Variants in RASEF observed in about 807,000 individuals in gnomAD.
RASEF encodes ras and EF-hand domain-containing protein.
In RASEF, 68 loss-of-function variants were observed where a neutral mutation model predicts 90.1. That is an observed-to-expected ratio of 0.75 (90% CI 0.62 to 0.92). The LOEUF (loss-of-function observed/expected upper bound fraction) is 0.92, where lower values mean the gene tolerates loss of function less well. Among genes scored for constraint, RASEF ranks in the 40% least tolerant of loss-of-function variants. RASEF has a pLI of 0.00. For synonymous variants in RASEF, 331 were observed against 345.2 expected, an observed-to-expected ratio of 0.96 and a Z score of 0.46; for missense variants, 949 against 937.2, an observed-to-expected ratio of 1.01 and a Z score of -0.16.
chr9:83,062,567 C>G lies in RASEF; in HGVS notation c.301G>C (p.Asp101His). The G allele has an allele frequency of 6.3e-7, 1 of 1,590,446 alleles. No homozygotes were observed. Among genetic ancestry groups the G allele is most frequent in the Non-Finnish European group, 8.6e-7 (1 of 1,167,966 alleles). The change falls in exon 1 of 17, where the codon GAC (aspartate) becomes CAC (histidine). Residue 101 changes from aspartate to histidine, a missense_variant. Coordinates refer to ENST00000376447, the MANE Select transcript of RASEF (RefSeq NM_152573.4). ...TCGTCGCCTTCGTCCTCCTCGCTGTCGTGTGTCTCCGGCCCCGCCTCAGAC... is the reference window on the plus strand; with the variant it reads ...TCGTCGCCTTCGTCCTCCTCGCTGTGGTGTGTCTCCGGCCCCGCCTCAGAC... ...AVSEAGPETHDSEEDEGDEDA... is the reference protein window; with the variant it reads ...AVSEAGPETHHSEEDEGDEDA...
rs1564090895 is a variant in RASEF at position 83,056,129 on chromosome 9, C to A, written c.431+6308G>T. On this transcript the variant is annotated intron_variant, in intron 1 of 16. Transcript: ENST00000376447. ...TTTTTATAAGACATATAGACTAAGGCCTTAAGGGTTAAAATTCACTCTTCT... is the reference window on the plus strand; with the variant it reads ...TTTTTATAAGACATATAGACTAAGGACTTAAGGGTTAAAATTCACTCTTCT... 2.6e-5 allele frequency among the ~76,000 whole-genome samples: 4 copies of A among 152,256 alleles called. No homozygotes were observed. The South Asian group carries it at 6.2e-4, about 24-fold the overall frequency.
chr9:83,092,109 A>AT, the RASEF span, among the ~76,000 whole-genome samples: 2 of 134,264 alleles, frequency 1.5e-5, no homozygotes, highest in Admixed American at 8.5e-5. Context: ...GATTCTGGCT[A>AT]TTTTTTCCAG....
the RASEF span, among the ~76,000 whole-genome samples, chr9:83,199,565 T>G: frequency 3.3e-4 from 51 of 152,324 alleles, no homozygotes; most frequent in African/African-American, 1.1e-3. Flanking sequence ...AATGCACTTC[T>G]AAATCCTCTT....
chr9:83,199,224 T>TAAAAAAAAAAAAAAAAAAAAAAAAAAAA, the RASEF span, among the ~76,000 whole-genome samples: 1 of 118,662 alleles, frequency 8.4e-6, no homozygotes, highest in Non-Finnish European at 1.7e-5. Context: ...AGCCCTAATT[T>TAAAAAAAAAAAAAAAAAAAAAAAAAAAA]AAAAAAAAAA....
Position 83,058,268 on chromosome 9 carries a change from C to T in RASEF, c.431+4169G>A, listed in dbSNP as rs1203265901. Reference sequence around the variant, plus strand: ...CGCGATCTCGGCTCACTGCAAGCTCCGCCTCCCGGGTTCACACCATTCTCC... The same window carrying T: ...CGCGATCTCGGCTCACTGCAAGCTCTGCCTCCCGGGTTCACACCATTCTCC... On this transcript the variant is annotated intron_variant, in intron 1 of 16. Coordinates refer to ENST00000376447, the MANE Select transcript of RASEF (RefSeq NM_152573.4). Among the ~76,000 whole-genome samples, 8 of 144,224 alleles carry T rather than the reference C, an allele frequency of 5.5e-5. No individual in the cohort carries two copies. The South Asian group carries it at 1.7e-3, about 31-fold the overall frequency. The allele number at this position is 144,224 out of a possible 152,430, so 94.6% of individuals were successfully genotyped here.
chr9:82,982,584 C>G lies in RASEF; in HGVS notation c.*93G>C. The G allele has an allele frequency of 1.3e-6, 1 of 763,954 alleles. No homozygotes were observed. 47.3% of individuals were successfully genotyped at this position (763,954 alleles called of 1,614,324 possible). A position where few individuals can be genotyped will look rare whatever the true frequency, so the allele number is the denominator to read the frequency against. ...ACTGTAACTCTCCATAGGACAGTGT[C>G]AGTAGGATGTGCCACTCTGTTAAGA... On this transcript the variant is annotated 3_prime_UTR_variant, in exon 17 of 17. Transcript: ENST00000376447.
At chr9:83,200,795 G>A in the RASEF span, 1 of 152,186 alleles carries the variant, frequency 6.6e-6, no homozygotes, top group African/African-American at 2.4e-5. Context: ...AGCCTATGTT[G>A]TGGTTCCCTG....
chr9:83,147,600 G>A, the RASEF span, among the ~76,000 whole-genome samples: 6 of 152,046 alleles, frequency 3.9e-5, no homozygotes, highest in South Asian at 2.1e-4. Flanking sequence ...TCTAGGGGTG[G>A]GTGCCTGCGA....
Position 83,043,042 on chromosome 9 carries a change from C to T in RASEF, c.432-17121G>A, listed in dbSNP as rs957696031. 6.6e-5 allele frequency among the ~76,000 whole-genome samples: 10 copies of T among 152,268 alleles called. 1 individual carries two copies. In the South Asian group the frequency reaches 8.3e-4, roughly 13 times the overall value. ...TAAAGCTAGACTTCATATGATGACC[C>T]TGAGTTAGCACGGAAAGCTTCAGTG... is the stretch of plus-strand genomic sequence containing the variant. On this transcript the variant is annotated intron_variant, in intron 1 of 16. Transcript: ENST00000376447.
the RASEF span, among the ~76,000 whole-genome samples, chr9:83,179,988 A>G: frequency 6.6e-6 from 1 of 152,208 alleles, no homozygotes; most frequent in East Asian, 1.9e-4. Context: ...GTATCAGAAA[A>G]TGAAGCAGAT....
chr9:83,129,406 C>CAAA, the RASEF span, among the ~76,000 whole-genome samples: 4 of 97,792 alleles, frequency 4.1e-5, no homozygotes, highest in Non-Finnish European at 9.1e-5. Flanking sequence ...GACTCCACCT[C>CAAA]AAAAAAAAAA....
At chr9:83,093,514 T>G in the RASEF span, among the ~76,000 whole-genome samples, 19 of 152,336 alleles carry the variant, frequency 1.2e-4, 1 homozygote, top group South Asian at 3.7e-3. Flanking sequence ...GGGGACCCAG[T>G]ACACCCTCCG....
At chr9:82,986,383 T>A (rs1323701667) in intron 16 of RASEF, among the ~76,000 whole-genome samples, 1 of 152,268 alleles carries the variant, frequency 6.6e-6, no homozygotes, top group South Asian at 2.1e-4. Flanking sequence ...TGTTCTTTTC[T>A]GTAATGTTAA....
the RASEF span, among the ~76,000 whole-genome samples, chr9:83,169,943 T>C: frequency 6.6e-6 from 1 of 152,104 alleles, no homozygotes; most frequent in Non-Finnish European, 1.5e-5. Flanking sequence ...ATAATCCCAT[T>C]TGTCATTTTT....
the RASEF span, among the ~76,000 whole-genome samples, chr9:83,187,751 C>A: frequency 1.3e-5 from 2 of 152,060 alleles, no homozygotes; most frequent in African/African-American, 4.8e-5. Flanking sequence ...TTCCCTCTAC[C>A]TTCCATTTCT....
chr9:83,092,058 T>A, the RASEF span, among the ~76,000 whole-genome samples: 4 of 131,262 alleles, frequency 3.0e-5, no homozygotes, highest in Non-Finnish European at 6.3e-5. Flanking sequence ...TTTGCATAAA[T>A]GCCCCAAGGA....
At chr9:83,058,190 T>TC (rs1456945202) in intron 1 of RASEF, among the ~76,000 whole-genome samples, 3 of 130,526 alleles carry the variant, frequency 2.3e-5, no homozygotes, top group African/African-American at 9.4e-5. Context: ...TTTTTTTTTT[T>TC]TTTTTTTTTT....
chr9:83,159,341 A>G, the RASEF span, among the ~76,000 whole-genome samples: 1 of 152,196 alleles, frequency 6.6e-6, no homozygotes, highest in East Asian at 1.9e-4. Flanking sequence ...AAATTTTACG[A>G]ACAAGTCCCC....
At chr9:83,017,652 C>CT (rs2118537575) in intron 3 of RASEF, among the ~76,000 whole-genome samples, 1 of 152,346 alleles carries the variant, frequency 6.6e-6, no homozygotes, top group East Asian at 1.9e-4. Context: ...CAGATCAACT[C>CT]TTCACAAACT....
Sources: allele counts gnomAD v4.1 joint callset (sites outside exome capture counted in the v4.1 genomes callset), GRCh38; gene constraint gnomAD v4.1.1; transcripts MANE v1.5; gene names NCBI Gene and HGNC (gene_info 2026-07-23, HGNC 2026-07-21).